Variants in SELENOI observed in about 807,000 individuals in gnomAD.
SELENOI encodes selenoprotein I.
In SELENOI, 24 loss-of-function variants were observed where a neutral mutation model predicts 50.7. The ratio of observed to expected loss-of-function variants is 0.47; its 90% CI spans 0.34 to 0.67. The LOEUF (loss-of-function observed/expected upper bound fraction) is 0.67, where lower values mean the gene tolerates loss of function less well. SELENOI is among the 30% of genes least tolerant of loss of function. The pLI is 0.01. For synonymous variants in SELENOI, 155 were observed against 170.2 expected (o/e 0.91, Z 0.70); for missense variants, 352 against 461.4 (o/e 0.76, Z 2.17).
chr2:26,366,089 C>A (rs1003638712), intron 3 of SELENOI, among the ~76,000 whole-genome samples: 1 of 152,160 alleles, frequency 6.6e-6, no homozygotes, highest in African/African-American at 2.4e-5. Flanking sequence ...GTGTGAGCCA[C>A]TGCACCTGGC....
chr2:26,380,381 C>G (rs1438062191), intron 6 of SELENOI, among the ~76,000 whole-genome samples: 1 of 152,142 alleles, frequency 6.6e-6, no homozygotes, highest in Non-Finnish European at 1.5e-5. Context: ...ATGTACTGTA[C>G]TATGTACTGT....
intron 4 of SELENOI, among the ~76,000 whole-genome samples, chr2:26,370,481 CG>C (rs1188893152): frequency 2.7e-5 from 4 of 150,268 alleles, no homozygotes; most frequent in Non-Finnish European, 4.5e-5. Flanking sequence ...GCTGGCTGGG[CG>C]GGGGGCTGAC....
At position 26,389,145 on chromosome 2, in the gene SELENOI, T is replaced by C; in HGVS notation, c.*42T>C. 2 of 1,406,208 alleles carry C rather than the reference T, an allele frequency of 1.4e-6. No individual in the cohort carries two copies. The highest frequency in any genetic ancestry group is 2.0e-5 in the Admixed American group (1 of 50,782). The allele number at this position is 1,406,208 out of a possible 1,614,324, so 87.1% of individuals were successfully genotyped here. On this transcript the variant is annotated 3_prime_UTR_variant, in exon 10 of 10. Transcript: ENST00000260585. ...ACAAAGAAGTACTGTAAATAAATGC[T>C]TGTAAATATTTCCTCCATCACCATT...
Position 26,392,084 on chromosome 2 carries a change from A to G in SELENOI, c.*2981A>G, listed in dbSNP as rs1677984586. 6.6e-6 allele frequency: 1 copy of G among 152,224 alleles called. No individual in the cohort carries two copies. Among genetic ancestry groups the G allele is most frequent in the African/African-American group, 2.4e-5 (1 of 41,456 alleles). The allele number at this position is 152,224 out of a possible 1,614,324, so 9.4% of individuals were successfully genotyped here. A position where few individuals can be genotyped will look rare whatever the true frequency, so the allele number is the denominator to read the frequency against. ...TTGTGGTTTAGGATGTTACAGTACT[A>G]ATACCATCATGTTATTTATTCTAAT... On this transcript the variant is annotated 3_prime_UTR_variant, in exon 10 of 10. Transcript: ENST00000260585.
At chr2:26,373,692 A>C in intron 5 of SELENOI, 63 bp downstream of exon 5, 1 of 1,523,792 alleles carries the variant, frequency 6.6e-7, no homozygotes, top group South Asian at 1.2e-5. Context: ...AGCTTTTGTC[A>C]TTGCTTATTT....
In SELENOI at chr2:26,364,297, A is replaced by T; in HGVS notation, c.58-5A>T. ...CTCTGAATATTTTCTTTCATTTCTT[A>T]ACAGTACAGTGCTGTGGATACCAAT... On this transcript the variant is annotated splice_region_variant and splice_polypyrimidine_tract_variant and intron_variant, in intron 1 of 9. Transcript: ENST00000260585. 6.5e-7 allele frequency: 1 copy of T among 1,543,660 alleles called. No homozygotes were observed. The highest frequency in any genetic ancestry group is 8.8e-7 in the Non-Finnish European group (1 of 1,137,408).
rs182725696 is a variant in SELENOI at position 26,392,537 on chromosome 2, C to T, written c.*3434C>T. 1 of 152,330 alleles carries T rather than the reference C, an allele frequency of 6.6e-6. No individual in the cohort carries two copies. The highest frequency in any genetic ancestry group is 2.4e-5 in the African/African-American group (1 of 41,556). 9.4% of individuals were successfully genotyped at this position (152,330 alleles called of 1,614,324 possible). A position where few individuals can be genotyped will look rare whatever the true frequency, so the allele number is the denominator to read the frequency against. On this transcript the variant is annotated 3_prime_UTR_variant, in exon 10 of 10. Coordinates refer to ENST00000260585, the MANE Select transcript of SELENOI (RefSeq NM_033505.4). ...CCTGGGTTTCCTCTTATCTACCCAC[C>T]ACCTAGGACAGAGGCTGCCCACTCA...
At chr2:26,373,278 GT>G in intron 4 of SELENOI, 88 bp from the exon 5 acceptor site, 1 of 1,439,176 alleles carries the variant, frequency 6.9e-7, no homozygotes, top group Non-Finnish European at 9.3e-7. Context: ...AAGCTGATTT[GT>G]TTTGTTTTTT....
chr2:26,392,318 T>C lies in SELENOI; in HGVS notation c.*3215T>C, dbSNP rs1677988885. On this transcript the variant is annotated 3_prime_UTR_variant, in exon 10 of 10. Transcript: ENST00000260585. ...TATGAATTTGAAAGTTTCCTAAGTGTTGTTTTCAAAGAACTGGTTTATTTT... is the reference window on the plus strand; with the variant it reads ...TATGAATTTGAAAGTTTCCTAAGTGCTGTTTTCAAAGAACTGGTTTATTTT... 6.6e-6 allele frequency: 1 copy of C among 152,212 alleles called. No individual in the cohort carries two copies. The highest frequency in any genetic ancestry group is 1.5e-5 in the Non-Finnish European group (1 of 68,028). 9.4% of individuals were successfully genotyped at this position (152,212 alleles called of 1,614,324 possible). A position where few individuals can be genotyped will look rare whatever the true frequency, so the allele number is the denominator to read the frequency against.
chr2:26,352,481 T>A (rs1282140272), intron 1 of SELENOI, among the ~76,000 whole-genome samples: 1 of 152,122 alleles, frequency 6.6e-6, no homozygotes, highest in Non-Finnish European at 1.5e-5. Context: ...ACACTTGCTT[T>A]CTTTCAAAAA....
chr2:26,360,809 C>T (rs533596024), intron 1 of SELENOI, among the ~76,000 whole-genome samples: 1 of 151,878 alleles, frequency 6.6e-6, no homozygotes, highest in South Asian at 2.1e-4. Flanking sequence ...CATATTGGTT[C>T]CTGGTCCTCA....
rs145332704 is a variant in SELENOI at position 26,375,204 on chromosome 2, C to T, written c.682+56C>T. 9.0e-3 allele frequency: 10,140 copies of T among 1,132,240 alleles called. 96 individuals carry two copies. Among genetic ancestry groups the T allele is most frequent in the Non-Finnish European group, 8.5e-3 (6,532 of 769,974 alleles). 70.1% of individuals were successfully genotyped at this position (1,132,240 alleles called of 1,614,324 possible). A position where few individuals can be genotyped will look rare whatever the true frequency, so the allele number is the denominator to read the frequency against. On this transcript the variant is annotated intron_variant, in intron 6 of 9. Transcript: ENST00000260585. ...ACCATCACTTTGTTATCAAAAGAGC[C>T]GGTATTTGACTATAACAAGCAACAA...
intron 5 of SELENOI, 34 bp from the exon 6 acceptor site, chr2:26,375,006 C>T (rs1388914283): frequency 7.0e-7 from 1 of 1,420,092 alleles, no homozygotes. Flanking sequence ...AGCGTTAATG[C>T]TTCTGTATGC....
intron 1 of SELENOI, among the ~76,000 whole-genome samples, chr2:26,355,777 G>A (rs1677051775): frequency 6.7e-6 from 1 of 148,414 alleles, no homozygotes; most frequent in African/African-American, 2.5e-5. Context: ...GTCTCGCTCT[G>A]TTGCTTAGGC....
chr2:26,362,404 A>T (rs1677196854), intron 1 of SELENOI, among the ~76,000 whole-genome samples: 1 of 152,216 alleles, frequency 6.6e-6, no homozygotes. Flanking sequence ...TATGATTTTT[A>T]AAAATCAGAT....
intron 7 of SELENOI, among the ~76,000 whole-genome samples, chr2:26,384,240 G>A (rs72852741): frequency 1.1e-3 from 175 of 152,272 alleles, no homozygotes; most frequent in African/African-American, 4.0e-3. Context: ...TAAACCAAGC[G>A]CTATTAATCT....
At chr2:26,348,625 C>CTAT (rs1181470376) in intron 1 of SELENOI, among the ~76,000 whole-genome samples, 3 of 151,562 alleles carry the variant, frequency 2.0e-5, no homozygotes, top group Non-Finnish European at 4.4e-5. Flanking sequence ...AGTTAGTTGA[C>CTAT]TATTAGTTGA....
intron 2 of SELENOI, 93 bp downstream of exon 2, chr2:26,364,463 T>A: frequency 1.2e-6 from 1 of 815,094 alleles, no homozygotes. Flanking sequence ...ACTCTCAGTT[T>A]CATAAGATAT....
intron 4 of SELENOI, among the ~76,000 whole-genome samples, chr2:26,371,126 C>T (rs1431713733): frequency 6.7e-6 from 1 of 148,466 alleles, no homozygotes; most frequent in Non-Finnish European, 1.5e-5. Flanking sequence ...ACCTCCCTCC[C>T]GGACGGGGCG....
Sources: allele counts gnomAD v4.1 joint callset (sites outside exome capture counted in the v4.1 genomes callset), GRCh38; gene constraint gnomAD v4.1.1; transcripts MANE v1.5; gene names NCBI Gene and HGNC (gene_info 2026-07-23, HGNC 2026-07-21).